Variants in PRKCE observed in about 807,000 individuals in gnomAD.
The protein encoded by PRKCE is protein kinase C epsilon type.
Under a neutral mutation model 85.4 loss-of-function variants are expected in PRKCE, and 16 were observed. That is an observed-to-expected ratio of 0.19 (90% CI 0.13 to 0.28). The LOEUF (loss-of-function observed/expected upper bound fraction) is 0.28, where lower values mean the gene tolerates loss of function less well. Among genes scored for constraint, PRKCE ranks in the 10% least tolerant of loss-of-function variants. PRKCE has a pLI of 1.00. For synonymous variants in PRKCE, 388 were observed against 371.5 expected (o/e 1.04, Z -0.51); for missense variants, 573 against 975.2 (o/e 0.59, Z 5.49).
chr2:45,665,992 G>T (rs1675893101), intron 1 of PRKCE, among the ~76,000 whole-genome samples: 1 of 152,028 alleles, frequency 6.6e-6, no homozygotes, highest in Non-Finnish European at 1.5e-5. Flanking sequence ...CCTTTCTAGG[G>T]CTTCTAGAGT....
At chr2:45,698,280 C>T (rs1678322150) in intron 1 of PRKCE, among the ~76,000 whole-genome samples, 1 of 152,188 alleles carries the variant, frequency 6.6e-6, no homozygotes, top group South Asian at 2.1e-4. Context: ...GAATCATTTT[C>T]TACCAGCATC....
chr2:45,781,637 G>A (rs912800019), intron 1 of PRKCE, among the ~76,000 whole-genome samples: 2 of 152,034 alleles, frequency 1.3e-5, no homozygotes, highest in South Asian at 2.1e-4. Flanking sequence ...GCCTCCACCC[G>A]CGCCCGCCCC....
intron 2 of PRKCE, among the ~76,000 whole-genome samples, chr2:45,947,273 T>C (rs1558871352): frequency 6.6e-6 from 1 of 152,024 alleles, no homozygotes; most frequent in Non-Finnish European, 1.5e-5. Context: ...GGAACATCCA[T>C]AGAGATAAAG....
chr2:45,968,731 G>C (rs981889393), intron 2 of PRKCE, among the ~76,000 whole-genome samples: 8 of 152,164 alleles, frequency 5.3e-5, no homozygotes, highest in Non-Finnish European at 8.8e-5. Context: ...CCCACATGAG[G>C]AGGGCGTTCA....
chr2:45,787,744 C>G (rs1263582859), intron 1 of PRKCE, among the ~76,000 whole-genome samples: 1 of 152,118 alleles, frequency 6.6e-6, no homozygotes, highest in Admixed American at 6.5e-5. Context: ...TCAGGGTTCG[C>G]GATACAGGTA....
chr2:45,656,770 C>G (rs991706656), intron 1 of PRKCE, among the ~76,000 whole-genome samples: 2 of 152,208 alleles, frequency 1.3e-5, no homozygotes, highest in Non-Finnish European at 2.9e-5. Flanking sequence ...TCTGACCAGA[C>G]CAGGCTTGCT....
chr2:46,170,697 G>A (rs1000784401), intron 14 of PRKCE, among the ~76,000 whole-genome samples: 1 of 152,184 alleles, frequency 6.6e-6, no homozygotes, highest in Non-Finnish European at 1.5e-5. Flanking sequence ...GGGGTCATAA[G>A]ATCCTGCATT....
intron 1 of PRKCE, among the ~76,000 whole-genome samples, chr2:45,801,940 C>G (rs1284860396): frequency 6.6e-6 from 1 of 152,064 alleles, no homozygotes. Flanking sequence ...TACTTAACAT[C>G]TAGGCTGCGG....
At chr2:45,924,602 C>T (rs1698479637) in intron 2 of PRKCE, among the ~76,000 whole-genome samples, 1 of 152,176 alleles carries the variant, frequency 6.6e-6, no homozygotes. Flanking sequence ...GGACTCACTT[C>T]CCTACCCCAT....
chr2:45,689,148 G>A (rs1051046500), intron 1 of PRKCE, among the ~76,000 whole-genome samples: 4 of 152,226 alleles, frequency 2.6e-5, no homozygotes, highest in Non-Finnish European at 5.9e-5. Context: ...TACAAGAAGG[G>A]AGGGACTTAA....
At chr2:45,670,650 A>T (rs985839787) in intron 1 of PRKCE, among the ~76,000 whole-genome samples, 3 of 152,252 alleles carry the variant, frequency 2.0e-5, no homozygotes, top group African/African-American at 7.2e-5. Context: ...AAAAGAAAGT[A>T]AAGAGGATAG....
intron 2 of PRKCE, among the ~76,000 whole-genome samples, chr2:45,890,789 T>C (rs746209655): frequency 2.0e-5 from 3 of 152,084 alleles, no homozygotes; most frequent in Non-Finnish European, 4.4e-5. Flanking sequence ...GTATATGGAG[T>C]GCCTACCCTG....
At chr2:45,742,333 G>A (rs1453997058) in intron 1 of PRKCE, among the ~76,000 whole-genome samples, 1 of 152,076 alleles carries the variant, frequency 6.6e-6, no homozygotes, top group Non-Finnish European at 1.5e-5. Context: ...TACTTGGGAG[G>A]CTGAGGCAGG....
intron 2 of PRKCE, among the ~76,000 whole-genome samples, chr2:45,869,864 C>T (rs572368095): frequency 7.9e-5 from 12 of 151,948 alleles, no homozygotes; most frequent in East Asian, 3.9e-4. Context: ...CACGCCACCA[C>T]GCCCAGCTAA....
chr2:45,842,211 C>G (rs1268447407), intron 1 of PRKCE, among the ~76,000 whole-genome samples: 1 of 152,182 alleles, frequency 6.6e-6, no homozygotes, highest in Non-Finnish European at 1.5e-5. Flanking sequence ...AAGTAGTTAG[C>G]TGGATTTGAG....
At chr2:45,793,946 A>G (rs1487344914) in intron 1 of PRKCE, among the ~76,000 whole-genome samples, 1 of 152,138 alleles carries the variant, frequency 6.6e-6, no homozygotes, top group African/African-American at 2.4e-5. Context: ...TGGGATATTA[A>G]CAGAAATGAA....
At chr2:45,904,657 T>C (rs1696836444) in intron 2 of PRKCE, among the ~76,000 whole-genome samples, 1 of 152,188 alleles carries the variant, frequency 6.6e-6, no homozygotes, top group African/African-American at 2.4e-5. Flanking sequence ...AAGTGGGCTG[T>C]GCTCGGGGAT....
At chr2:45,943,866 GA>G (rs1700053325) in intron 2 of PRKCE, among the ~76,000 whole-genome samples, 1 of 152,196 alleles carries the variant, frequency 6.6e-6, no homozygotes, top group Non-Finnish European at 1.5e-5. Context: ...ACCGCGCAGT[GA>G]AACTGCCCAG....
At chr2:46,096,451 G>A (rs894205077) in intron 11 of PRKCE, among the ~76,000 whole-genome samples, 8 of 152,260 alleles carry the variant, frequency 5.3e-5, no homozygotes, top group African/African-American at 1.2e-4. Context: ...GAATGTGATG[G>A]CATTTGGAGA....
Sources: gnomAD v4.1 joint callset for allele counts (sites outside exome capture counted in the v4.1 genomes callset) on GRCh38, gnomAD v4.1.1 for gene constraint, MANE v1.5 for transcripts, NCBI Gene and HGNC (gene_info 2026-07-23, HGNC 2026-07-21) for gene names.